The following ATPAF2 variants were observed in gnomAD, a reference collection of about 807,000 sequenced individuals.
The protein encoded by ATPAF2 is ATP12 homolog.
ATPAF2 carries 30 observed loss-of-function variants against 36.6 expected under a neutral mutation model. The ratio of observed to expected loss-of-function variants is 0.82; its 90% confidence interval spans 0.61 to 1.11. The LOEUF (loss-of-function observed/expected upper bound fraction) is 1.11. Among genes scored for constraint, ATPAF2 ranks in the 50% most tolerant of loss-of-function variants. The pLI, the probability that ATPAF2 is intolerant of heterozygous loss-of-function variation, is 0.00. For missense variants in ATPAF2, 321 were observed against 372.3 expected, an observed-to-expected ratio of 0.86 and a Z score of 1.13; for synonymous variants, 140 against 152.6, an observed-to-expected ratio of 0.92 and a Z score of 0.61.
At chr17:18,021,032 T>C in intron 7 of ATPAF2, 91 bp downstream of exon 7, 5 of 1,513,798 alleles carry the variant, frequency 3.3e-6, no homozygotes, top group South Asian at 2.5e-5. Context: ...AAGCCAAGTA[T>C]GCATAACTAT....
chr17:18,027,956 A>G, intron 3 of ATPAF2: 1 of 488,056 alleles, frequency 2.0e-6, no homozygotes, highest in Admixed American at 3.3e-5. Flanking sequence ...GTCATAGAAA[A>G]TAAGAGAGCT....
Position 18,039,017 on chromosome 17 carries a change from G to T in ATPAF2, c.-4C>A. On this transcript the variant is annotated 5_prime_UTR_variant, in exon 1 of 8. Transcript: ENST00000474627. This position sits in a 1 kb window ranked among gnomAD's most constrained non-coding sequence, Gnocchi z 5.3. Reference sequence around the variant, plus strand: ...GCCGGAGGCAGCTCCTCCACATCGCGCCCGAGGGTCTGGGAAGATGCGAGA... The same window carrying T: ...GCCGGAGGCAGCTCCTCCACATCGCTCCCGAGGGTCTGGGAAGATGCGAGA... The T allele has an allele frequency of 6.3e-7, 1 of 1,596,934 alleles. No individual in the cohort carries two copies. The highest frequency in any genetic ancestry group is 1.8e-5 in the Admixed American group (1 of 56,374).
intron 1 of ATPAF2, among the ~76,000 whole-genome samples, chr17:18,031,848 G>A (rs1191914681): frequency 6.6e-6 from 1 of 152,012 alleles, no homozygotes; most frequent in Non-Finnish European, 1.5e-5. Flanking sequence ...TCTTACTATG[G>A]CACCTTCATC....
At chr17:18,016,035 T>C (rs1568555194), downstream of ATPAF2, 35 of 1,611,330 alleles carry the variant, frequency 2.2e-5, no homozygotes, top group Non-Finnish European at 2.9e-5. Context: ...TGACACACAC[T>C]TTCTCATTGG....
At chr17:18,031,824 C>T (rs1289509488) in intron 1 of ATPAF2, among the ~76,000 whole-genome samples, 1 of 152,072 alleles carries the variant, frequency 6.6e-6, no homozygotes, top group Non-Finnish European at 1.5e-5. Context: ...GATCTGTCCA[C>T]CAAGATGATG....
intron 7 of ATPAF2, 121 bp downstream of exon 7, chr17:18,021,002 C>T (rs555288998): frequency 5.4e-6 from 8 of 1,470,336 alleles, no homozygotes; most frequent in African/African-American, 4.2e-5. Flanking sequence ...TTGATTTCTG[C>T]GTGTACATAA....
In ATPAF2 at chr17:18,036,295, G is replaced by A. The variant is rs938742379; in HGVS notation, c.133+2586C>T. On this transcript the variant is annotated intron_variant, in intron 1 of 7. Coordinates refer to ENST00000474627, the MANE Select transcript of ATPAF2 (RefSeq NM_145691.4). ...TAGAGAGAACACGTGGGGGTCGGGG[G>A]CCGGGCGCGGTGGCTCATGCCTGTA... Among the ~76,000 whole-genome samples, 3 of 152,160 alleles carry A rather than the reference G, an allele frequency of 2.0e-5. No homozygotes were observed. The East Asian group carries it at 5.8e-4, about 29-fold the overall frequency.
chr17:18,020,915 C>G (rs1193873086), intron 7 of ATPAF2: 1 of 1,307,618 alleles, frequency 7.6e-7, no homozygotes, highest in Admixed American at 3.1e-5. Flanking sequence ...TCCTCCTCAG[C>G]CACCCAAAGT....
At chr17:18,027,528 A>G (rs2044565535) in intron 3 of ATPAF2, among the ~76,000 whole-genome samples, 1 of 152,184 alleles carries the variant, frequency 6.6e-6, no homozygotes, top group South Asian at 2.1e-4. Context: ...TGAGGTGGGT[A>G]CTATTATCAC....
Position 18,039,162 on chromosome 17 carries a change from T to A in ATPAF2, c.-149A>T. ...CAACCTCCCTTGGACGCCGCCATCT[T>A]CCGCATGACACCTACGGCGCGCCGT... On this transcript the variant is annotated 5_prime_UTR_variant, in exon 1 of 8. The change creates a premature stop within an existing upstream ORF in the 5' untranslated region. Coordinates refer to ENST00000474627, the MANE Select transcript of ATPAF2 (RefSeq NM_145691.4). The surrounding 1 kb of genome is among the most constrained non-coding windows in gnomAD (Gnocchi z 5.3). The A allele has an allele frequency of 8.6e-7, 1 of 1,162,334 alleles. No individual in the cohort carries two copies. Among genetic ancestry groups the A allele is most frequent in the Non-Finnish European group, 1.2e-6 (1 of 813,740 alleles). 72.0% of individuals were successfully genotyped at this position (1,162,334 alleles called of 1,614,324 possible).
chr17:18,036,022 G>C (rs1400560830), intron 1 of ATPAF2, among the ~76,000 whole-genome samples: 1 of 152,168 alleles, frequency 6.6e-6, no homozygotes, highest in Non-Finnish European at 1.5e-5. Flanking sequence ...CTGATAAGCT[G>C]GTGCAGAACT....
chr17:18,028,051 A>AAGTAGC, intron 3 of ATPAF2, 181 bp downstream of exon 3: 1 of 725,238 alleles, frequency 1.4e-6, no homozygotes, highest in Non-Finnish European at 2.4e-6. Context: ...AGAGAGCTGC[A>AAGTAGC]AGTAGCCGGG....
chr17:18,021,917 T>G (rs1472300688), intron 5 of ATPAF2, 60 bp from the exon 6 acceptor site: 2 of 1,450,600 alleles, frequency 1.4e-6, no homozygotes, highest in East Asian at 4.5e-5. Context: ...GCAGCCCACC[T>G]TTTGACTAGA....
At chr17:18,028,023 G>T in intron 3 of ATPAF2, 1 of 637,180 alleles carries the variant, frequency 1.6e-6, no homozygotes, top group Non-Finnish European at 2.8e-6. Flanking sequence ...CAGCCATCCA[G>T]CACAGTGTTC....
chr17:18,033,294 G>A (rs956864407), intron 1 of ATPAF2, among the ~76,000 whole-genome samples: 11 of 151,544 alleles, frequency 7.3e-5, no homozygotes, highest in Admixed American at 4.6e-4. Flanking sequence ...CCCAGGAGGC[G>A]GAGGTTGTAG....
intron 4 of ATPAF2, chr17:18,024,944 G>A: frequency 1.9e-6 from 1 of 534,652 alleles, no homozygotes; most frequent in Non-Finnish European, 3.4e-6. Flanking sequence ...AACCTCTGGA[G>A]GGGGGCCCAG....
At chr17:18,028,487 T>C (rs1242216263) in intron 2 of ATPAF2, 110 bp from the exon 3 acceptor site, 5 of 1,539,466 alleles carry the variant, frequency 3.2e-6, no homozygotes, top group Non-Finnish European at 4.5e-6. Context: ...CTGAGTCCCT[T>C]ACAGAAATAT....
rs16960818 is a variant in ATPAF2, at chr17:18,028,449, A to G, written c.179-72T>C. On this transcript the variant is annotated intron_variant, in intron 2 of 7. Transcript: ENST00000474627. Reference sequence around the variant, plus strand: ...CAAGTGACCATTCCTATATTTAGCCACTTGAATTGGTGCAGACAAAGCCAA... The same window carrying G: ...CAAGTGACCATTCCTATATTTAGCCGCTTGAATTGGTGCAGACAAAGCCAA... 4,600 of 1,593,856 alleles carry G rather than the reference A, an allele frequency of 2.9e-3. 119 individuals carry two copies. In the African/African-American group the frequency reaches 0.052, roughly 18 times the overall value.
chr17:18,035,148 G>A (rs974742830), intron 1 of ATPAF2, among the ~76,000 whole-genome samples: 7 of 152,058 alleles, frequency 4.6e-5, no homozygotes, highest in African/African-American at 1.4e-4. Context: ...AGGATCACTT[G>A]AGCCCAGGAG....
Sources: allele counts gnomAD v4.1 joint callset (sites outside exome capture counted in the v4.1 genomes callset), GRCh38; gene constraint gnomAD v4.1.1; non-coding constraint Gnocchi (gnomAD v3.1); transcripts MANE v1.5; gene names NCBI Gene and HGNC (gene_info 2026-07-23, HGNC 2026-07-21).